Variants in SVEP1 observed in about 807,000 individuals in gnomAD.
SVEP1 encodes the protein sushi, von Willebrand factor type A, EGF and pentraxin domain-containing protein 1.
SVEP1 carries 164 observed loss-of-function variants against 367.3 expected under a neutral mutation model. The observed-to-expected ratio is 0.45, with a 90% confidence interval of 0.39 to 0.51. SVEP1 has a LOEUF of 0.51. Ranked by LOEUF, SVEP1 falls within the 20% of genes least tolerant of loss-of-function variation. The pLI is 0.00. For synonymous variants in SVEP1, 1,666 were observed against 1,611.6 expected (o/e 1.03, Z -0.81); for missense variants, 4,117 against 4,425.3 (o/e 0.93, Z 1.98).
At chr9:110,432,154 T>A in intron 31 of SVEP1, 120 bp from the exon 32 acceptor site, 1 of 1,169,150 alleles carries the variant, frequency 8.6e-7, no homozygotes, top group Non-Finnish European at 1.2e-6. Flanking sequence ...TATATTTGTA[T>A]AGAATTTAAA....
chr9:110,473,216 G>A (rs2118676370), intron 14 of SVEP1, among the ~76,000 whole-genome samples: 1 of 152,062 alleles, frequency 6.6e-6, no homozygotes, highest in African/African-American at 2.4e-5. Context: ...CTTTATTTAT[G>A]CTTTGGCTAT....
In SVEP1 at chr9:110,579,110, G is replaced by C; in HGVS notation, c.434C>G (p.Ala145Gly). 3 of 1,553,334 alleles carry C rather than the reference G, an allele frequency of 1.9e-6. No homozygotes were observed. The highest frequency in any genetic ancestry group is 2.6e-6 in the Non-Finnish European group (3 of 1,148,748). The change falls in exon 1 of 48, where the codon GCG becomes GGG. Residue 145 changes from alanine (A) to glycine (G), a missense_variant. Physicochemically the swap from Ala to Gly is moderately conservative, Grantham distance 60. This residue lies in a region of SVEP1 where 2,174 missense variants were observed against 2,494.3 expected (regional missense o/e 0.87). Coordinates refer to ENST00000374469, the MANE Select transcript of SVEP1 (RefSeq NM_153366.4). The surrounding 1 kb of genome is among the most constrained non-coding windows in gnomAD (Gnocchi z 5.3). ...GAGCAGCGCGCACTTGTGCTGGCGCGCGCGGCGGGTGGAGATGTAATCGAC... is the reference window on the plus strand; with the variant it reads ...GAGCAGCGCGCACTTGTGCTGGCGCCCGCGGCGGGTGGAGATGTAATCGAC... ...PRVDYISTRRARQHKCALLLQ... is the reference protein window; with the variant it reads ...PRVDYISTRRGRQHKCALLLQ...
In SVEP1 at chr9:110,458,546, G is replaced by A; in HGVS notation, c.3501C>T (p.Phe1167=). ...ITECSSFSST[F]SAAEESVVPP... ...GCACCACACTTTCCTCTGCCGCTGA[G>A]AAAGTTGAACTAAAACCTAATCAAT... The change falls in exon 20 of 48, where the codon TTC becomes TTT. Residue 1167 remains phenylalanine (F), a synonymous_variant. Coordinates refer to ENST00000374469, the MANE Select transcript of SVEP1 (RefSeq NM_153366.4). 6.2e-7 allele frequency: 1 copy of A among 1,611,432 alleles called. No individual in the cohort carries two copies. Among genetic ancestry groups the A allele is most frequent in the South Asian group, 1.1e-5 (1 of 90,338 alleles).
intron 26 of SVEP1, 40 bp downstream of exon 26, chr9:110,445,797 A>G: frequency 1.2e-6 from 2 of 1,608,290 alleles, no homozygotes; most frequent in Non-Finnish European, 1.7e-6. Flanking sequence ...CGGTTCCAAG[A>G]TAAGATCTTA....
At chr9:110,570,467 C>CATGTGTGTGT (rs372666453) in intron 1 of SVEP1, among the ~76,000 whole-genome samples, 1 of 146,828 alleles carries the variant, frequency 6.8e-6, no homozygotes, top group African/African-American at 2.5e-5. Context: ...GTTTCTGTTG[C>CATGTGTGTGT]GTGTGTGTGT....
chr9:110,429,022 T>C (rs1433940278), intron 35 of SVEP1, 121 bp downstream of exon 35: 5 of 798,808 alleles, frequency 6.3e-6, no homozygotes, highest in East Asian at 2.8e-5. Flanking sequence ...TGAGCTGAGA[T>C]TGCGCCACTG....
At chr9:110,520,795 C>T (rs1829867029) in intron 3 of SVEP1, among the ~76,000 whole-genome samples, 1 of 152,112 alleles carries the variant, frequency 6.6e-6, no homozygotes, top group African/African-American at 2.4e-5. Context: ...ATATTAGGAG[C>T]CTTTATTTCC....
chr9:110,552,023 C>T (rs191541154), intron 1 of SVEP1, among the ~76,000 whole-genome samples: 1,953 of 128,800 alleles, frequency 0.015, 48 homozygotes, highest in Non-Finnish European at 0.027. Context: ...TGGTACCCAA[C>T]CTTTTTTTTT....
intron 39 of SVEP1, 42 bp from the exon 40 acceptor site, chr9:110,401,051 A>T (rs533351099): frequency 1.3e-6 from 2 of 1,591,128 alleles, no homozygotes; most frequent in South Asian, 2.3e-5. Context: ...TTTAGAAGTT[A>T]ATACATATGA....
intron 40 of SVEP1, among the ~76,000 whole-genome samples, chr9:110,399,754 G>A (rs1331326329): frequency 1.3e-5 from 2 of 152,040 alleles, no homozygotes; most frequent in East Asian, 3.9e-4. Context: ...GCCTGGTCTT[G>A]AACTCCTGAG....
intron 1 of SVEP1, among the ~76,000 whole-genome samples, chr9:110,568,644 A>C (rs1830518863): frequency 6.6e-6 from 1 of 152,154 alleles, no homozygotes; most frequent in African/African-American, 2.4e-5. Flanking sequence ...GAGGGAAGGG[A>C]CCCTTACTCT....
chr9:110,474,262 C>T (rs561051643), intron 14 of SVEP1, among the ~76,000 whole-genome samples: 35 of 152,164 alleles, frequency 2.3e-4, no homozygotes, highest in Non-Finnish European at 3.5e-4. Flanking sequence ...AGCCTCCCAA[C>T]GTGCTGGGAT....
chr9:110,503,047 G>T lies in SVEP1; in HGVS notation c.1474C>A (p.Arg492=), dbSNP rs762637023. ...GNSQWDGPEP[R]CVERHCSTFQ... is the part of the protein sequence containing the mutation. ...CCTTCTAGAAACTTACCCACACACC[G>T]GGGTTCTGGCCCATCCCACTGGCTG... is the stretch of plus-strand genomic sequence containing the variant. Residue 492 remains arginine, a synonymous_variant, in exon 6 of 48, where the codon CGG becomes AGG. Coordinates refer to ENST00000374469, the MANE Select transcript of SVEP1 (RefSeq NM_153366.4). The T allele has an allele frequency of 5.0e-6, 8 of 1,603,406 alleles. No homozygotes were observed. Among genetic ancestry groups the T allele is most frequent in the Non-Finnish European group, 6.8e-6 (8 of 1,172,924 alleles).
Position 110,432,718 on chromosome 9 carries a change from A to G in SVEP1, c.5060-83T>C, listed in dbSNP as rs865816026. On this transcript the variant is annotated intron_variant, in intron 30 of 47. Transcript: ENST00000374469. ...TTTATTTGTATTAAACTAGCAGTTC[A>G]GTTAAGCATGACATTTTTACTGAAT... 1.3e-5 allele frequency: 19 copies of G among 1,465,816 alleles called. No homozygotes were observed. In the South Asian group the frequency reaches 2.2e-4, roughly 17 times the overall value. 90.8% of individuals were successfully genotyped at this position (1,465,816 alleles called of 1,614,324 possible).
chr9:110,525,903 A>T (rs1348415452), intron 3 of SVEP1, among the ~76,000 whole-genome samples: 1 of 152,104 alleles, frequency 6.6e-6, no homozygotes, highest in Non-Finnish European at 1.5e-5. Flanking sequence ...CACCTGGCTG[A>T]TTTTTAACCA....
In SVEP1 at chr9:110,407,480, C is replaced by T. The variant is rs201584847; in HGVS notation, c.8120G>A (p.Gly2707Asp). The T allele has an allele frequency of 5.6e-6, 9 of 1,613,884 alleles. No homozygotes were observed. Among genetic ancestry groups the T allele is most frequent in the East Asian group, 2.2e-5 (1 of 44,892 alleles). The change falls in exon 38 of 48, where the codon GGC (glycine) becomes GAC (aspartate). Residue 2707 changes from glycine to aspartate, a missense_variant. By Grantham distance (94) the Gly-to-Asp change is moderately conservative. This residue lies in a region of SVEP1 where 1,765 missense variants were observed against 1,781.1 expected (regional missense o/e 0.99). Coordinates refer to ENST00000374469, the MANE Select transcript of SVEP1 (RefSeq NM_153366.4). ...LICQEDGTWN[G>D]SAPSCISIEC... Reference sequence around the variant, plus strand: ...AATTGAAATGCAGGATGGTGCACTGCCATTCCAAGTTCCATCTTCCTGGCA... The same window carrying T: ...AATTGAAATGCAGGATGGTGCACTGTCATTCCAAGTTCCATCTTCCTGGCA...
intron 47 of SVEP1, among the ~76,000 whole-genome samples, chr9:110,368,658 C>T (rs986086905): frequency 2.6e-5 from 4 of 152,058 alleles, no homozygotes; most frequent in South Asian, 4.1e-4. Flanking sequence ...GTACTAAATA[C>T]TTCTTTTTTG....
chr9:110,424,894 G>A (rs538106514), intron 36 of SVEP1, among the ~76,000 whole-genome samples: 6 of 152,304 alleles, frequency 3.9e-5, no homozygotes, highest in African/African-American at 1.4e-4. Flanking sequence ...GGCTGGTCTT[G>A]AACTCCTGAC....
intron 43 of SVEP1, among the ~76,000 whole-genome samples, chr9:110,383,517 G>A (rs1300480584): frequency 1.1e-4 from 7 of 61,578 alleles, no homozygotes; most frequent in Non-Finnish European, 2.2e-4. Context: ...GGTGTCTGGT[G>A]ACCCCTGTTG....
Sources: gnomAD v4.1 joint callset for allele counts (sites outside exome capture counted in the v4.1 genomes callset) on GRCh38, gnomAD v4.1.1 for gene constraint, gnomAD v4.1.1 regional missense constraint, Gnocchi (gnomAD v3.1) non-coding constraint, MANE v1.5 for transcripts, NCBI Gene and HGNC (gene_info 2026-07-23, HGNC 2026-07-21) for gene names.